Variants in FNBP1 observed in about 807,000 individuals in gnomAD.
The protein encoded by FNBP1 is formin-binding protein 1.
FNBP1 carries 26 observed loss-of-function variants against 90.6 expected under a neutral mutation model. The observed-to-expected ratio is 0.29, with a 90% CI of 0.21 to 0.40. The LOEUF (loss-of-function observed/expected upper bound fraction) is 0.40, where lower values mean the gene tolerates loss of function less well. FNBP1 is among the 10% of genes least tolerant of loss of function. The pLI is 1.00. For synonymous variants in FNBP1, 260 were observed against 265.2 expected (o/e 0.98, Z 0.19); for missense variants, 635 against 768.0 (o/e 0.83, Z 2.05).
intron 4 of FNBP1, among the ~76,000 whole-genome samples, chr9:129,959,881 G>T (rs2047524880): frequency 6.6e-6 from 1 of 152,014 alleles, no homozygotes; most frequent in Admixed American, 6.6e-5. Flanking sequence ...TGTTTATTCT[G>T]GCTGTTTCCT....
intron 1 of FNBP1, among the ~76,000 whole-genome samples, chr9:130,038,280 G>A (rs1188226913): frequency 1.3e-5 from 2 of 150,304 alleles, no homozygotes; most frequent in South Asian, 2.1e-4. Context: ...GCGTCAACCC[G>A]GGAGGCGGAG....
intron 6 of FNBP1, among the ~76,000 whole-genome samples, chr9:129,942,386 G>T (rs1324972870): frequency 1.3e-5 from 2 of 152,112 alleles, no homozygotes; most frequent in East Asian, 1.9e-4. Context: ...CGTCTGACTT[G>T]GGCCTCCTAG....
rs947038235 is a variant in FNBP1 at position 129,924,019 on chromosome 9, G to T, written c.995C>A (p.Ser332Tyr). The T allele has an allele frequency of 2.6e-6, 4 of 1,513,350 alleles. No individual in the cohort carries two copies. The highest frequency in any genetic ancestry group is 4.9e-5 in the Admixed American group (2 of 41,176). 93.7% of individuals were successfully genotyped at this position (1,513,350 alleles called of 1,614,324 possible). The change falls in exon 10 of 17, where the codon TCC (serine) becomes TAC (tyrosine). Residue 332 changes from serine to tyrosine, a missense_variant. Ser to Tyr is a moderately radical substitution (Grantham distance 144). Transcript: ENST00000446176. ...AGGCTGATGGGGGGATGTTAAAAGG[G>T]ACATAAGCTACATGTAAGAGATGGA... is the stretch of plus-strand genomic sequence containing the variant. ...WPFIKKNKLMSLLTSPHQPPP... is the reference protein window; with the variant it reads ...WPFIKKNKLMYLLTSPHQPPP...
chr9:129,908,204 CT>C lies in FNBP1; in HGVS notation c.1295+685del, dbSNP rs60610339. On this transcript the variant is annotated intron_variant, in intron 12 of 16. Coordinates refer to ENST00000446176, the MANE Select transcript of FNBP1 (RefSeq NM_015033.3). ...ATGTTGCCAAGGCTGGTCTCTCTCT[CT>C]TTTTTTTTTTTTTTTTGAGATAGGG... Among the ~76,000 whole-genome samples the C allele has an allele frequency of 7.3e-3, 958 of 131,024 alleles. 6 individuals carry two copies. The highest frequency in any genetic ancestry group is 0.02 in the Middle Eastern group (5 of 254). 86.0% of individuals were successfully genotyped at this position (131,024 alleles called of 152,430 possible). A position where few individuals can be genotyped will look rare whatever the true frequency, so the allele number is the denominator to read the frequency against.
In FNBP1 at chr9:129,888,522, G is replaced by A. The variant is rs566964856; in HGVS notation, c.*2017C>T. On this transcript the variant is annotated 3_prime_UTR_variant, in exon 17 of 17. Transcript: ENST00000446176. ...TCGTCTGTCAAGTCAGTCCTCCTGC[G>A]TGACTGATGGGTGCACCACGCTTAG... The A allele has an allele frequency of 4.3e-5, 10 of 232,890 alleles. No homozygotes were observed. Among genetic ancestry groups the A allele is most frequent in the East Asian group, 3.0e-4 (5 of 16,520 alleles). 14.4% of individuals were successfully genotyped at this position (232,890 alleles called of 1,614,324 possible).
intron 6 of FNBP1, among the ~76,000 whole-genome samples, chr9:129,951,672 T>A (rs937164131): frequency 6.6e-6 from 1 of 151,888 alleles, no homozygotes; most frequent in African/African-American, 2.4e-5. Context: ...CTCAAACTCC[T>A]GGGCTTAAGC....
At chr9:129,926,609 G>A (rs926396289) in intron 8 of FNBP1, among the ~76,000 whole-genome samples, 5 of 152,104 alleles carry the variant, frequency 3.3e-5, no homozygotes, top group African/African-American at 7.2e-5. Flanking sequence ...TGTTTTGGCC[G>A]GGTGCAGTGG....
At position 129,966,025 on chromosome 9, in the gene FNBP1, C is replaced by G. The variant is rs1005151844; in HGVS notation, c.346-7472G>C. 1.3e-5 allele frequency among the ~76,000 whole-genome samples: 2 copies of G among 152,134 alleles called. No homozygotes were observed. Among genetic ancestry groups the G allele is most frequent in the Admixed American group, 6.5e-5 (1 of 15,270 alleles). On this transcript the variant is annotated intron_variant, in intron 4 of 16. Transcript: ENST00000446176. This position sits in a 1 kb window ranked among gnomAD's most constrained non-coding sequence, Gnocchi z 4.3. ...ATCATCCCATGCTCACTGACATGCCCACTTGTGAACAGGGCTGCTCCAGGC... is the reference window on the plus strand; with the variant it reads ...ATCATCCCATGCTCACTGACATGCCGACTTGTGAACAGGGCTGCTCCAGGC...
At chr9:130,004,219 C>T (rs117149133) in intron 1 of FNBP1, among the ~76,000 whole-genome samples, 1,709 of 151,500 alleles carry the variant, frequency 0.011, 13 homozygotes, top group Non-Finnish European at 0.016. Context: ...GCCAAGATCG[C>T]GCCACTGTAC....
At chr9:129,925,227 C>T (rs2041691141) in intron 8 of FNBP1, 70 bp from the exon 9 acceptor site, 4 of 1,293,904 alleles carry the variant, frequency 3.1e-6, no homozygotes, top group African/African-American at 2.9e-5. Flanking sequence ...AATGAATTGG[C>T]CAGGTGCGGT....
intron 15 of FNBP1, 64 bp from the exon 16 acceptor site, chr9:129,896,060 G>A: frequency 6.7e-7 from 1 of 1,491,362 alleles, no homozygotes; most frequent in East Asian, 2.3e-5. Context: ...GCAAACAGTG[G>A]CCTTCGCAAT....
intron 2 of FNBP1, among the ~76,000 whole-genome samples, chr9:129,986,618 C>T (rs1166739411): frequency 3.3e-5 from 5 of 151,966 alleles, no homozygotes; most frequent in East Asian, 1.9e-4. Flanking sequence ...GGTGAAACCC[C>T]GTCTCTATTA....
chr9:130,045,178 A>C (rs1195658280), upstream of FNBP1: 1 of 152,156 alleles, frequency 6.6e-6, no homozygotes, highest in Non-Finnish European at 1.5e-5. Flanking sequence ...CCAGGTCTGA[A>C]TTCTCTTTCC....
chr9:129,950,153 A>G (rs1051559094), intron 6 of FNBP1, among the ~76,000 whole-genome samples: 1 of 152,242 alleles, frequency 6.6e-6, no homozygotes, highest in African/African-American at 2.4e-5. Context: ...CGCTGACATA[A>G]GCCTTCACAG....
intron 8 of FNBP1, among the ~76,000 whole-genome samples, chr9:129,926,208 G>A (rs149399044): frequency 6.2e-4 from 95 of 152,256 alleles, no homozygotes; most frequent in African/African-American, 2.1e-3. Flanking sequence ...CTGGCATCAA[G>A]TGATCCACCC....
chr9:129,927,844 C>G (rs1211680089), intron 7 of FNBP1, among the ~76,000 whole-genome samples: 1 of 148,144 alleles, frequency 6.8e-6, no homozygotes, highest in Non-Finnish European at 1.5e-5. Context: ...GGCTGGTCTC[C>G]AACTCCTTAC....
At chr9:130,007,967 C>T (rs538961101) in intron 1 of FNBP1, among the ~76,000 whole-genome samples, 1 of 133,356 alleles carries the variant, frequency 7.5e-6, no homozygotes, top group African/African-American at 2.9e-5. Flanking sequence ...CACTGCACTC[C>T]AGCTTGGGTG....
chr9:129,997,529 A>C (rs1322671), intron 1 of FNBP1, among the ~76,000 whole-genome samples: 114,478 of 152,090 alleles, frequency 0.75, 43,907 homozygotes, highest in East Asian at 0.89. Flanking sequence ...ACGAGACTGA[A>C]GATCACCTTA....
At chr9:129,992,863 T>G (rs868769207) in intron 2 of FNBP1, among the ~76,000 whole-genome samples, 1 of 145,974 alleles carries the variant, frequency 6.9e-6, no homozygotes, top group Admixed American at 6.9e-5. Context: ...AGAACACATA[T>G]CTTTTATGCA....
Sources: allele counts gnomAD v4.1 joint callset (sites outside exome capture counted in the v4.1 genomes callset), GRCh38; gene constraint gnomAD v4.1.1; non-coding constraint Gnocchi (gnomAD v3.1); transcripts MANE v1.5; gene names NCBI Gene and HGNC (gene_info 2026-07-23, HGNC 2026-07-21).